GTF2F2: variants seen among roughly 807,000 people sequenced by gnomAD.
GTF2F2 encodes ATP-dependent helicase GTF2F2.
Under a neutral mutation model 42.2 loss-of-function variants are expected in GTF2F2, and 23 were observed. The ratio of observed to expected loss-of-function variants is 0.55; its 90% CI spans 0.39 to 0.77. GTF2F2 has a LOEUF of 0.77. Ranked by LOEUF, GTF2F2 falls within the 30% of genes least tolerant of loss-of-function variation. The pLI, the probability that GTF2F2 is intolerant of heterozygous loss-of-function variation, is 0.00. For missense variants in GTF2F2, 261 were observed against 287.2 expected (o/e 0.91, Z 0.66); for synonymous variants, 105 against 100.8 (o/e 1.04, Z -0.25).
Position 45,120,545 on chromosome 13 carries a change from G to A in GTF2F2, c.-111G>A, listed in dbSNP as rs1868565521. On this transcript the variant is annotated 5_prime_UTR_variant, in exon 1 of 8. Coordinates refer to ENST00000340473, the MANE Select transcript of GTF2F2 (RefSeq NM_004128.3). ...AGTGTTCTGGCAGGTAAGGAACGCC[G>A]GCTCTTCGCCTCTCAGCGCGGCTTG... The A allele has an allele frequency of 8.1e-6, 6 of 737,086 alleles. No individual in the cohort carries two copies. In the East Asian group the frequency reaches 1.7e-4, roughly 20 times the overall value. The allele number at this position is 737,086 out of a possible 1,614,324, so 45.7% of individuals were successfully genotyped here.
chr13:45,159,310 C>T (rs1870920317), intron 4 of GTF2F2, among the ~76,000 whole-genome samples: 1 of 152,256 alleles, frequency 6.6e-6, no homozygotes, highest in African/African-American at 2.4e-5. Flanking sequence ...CTTTTGAAAA[C>T]TTAACTGAAA....
intron 4 of GTF2F2, among the ~76,000 whole-genome samples, chr13:45,198,543 A>G (rs753768882): frequency 1.3e-5 from 2 of 152,184 alleles, no homozygotes; most frequent in Non-Finnish European, 2.9e-5. Flanking sequence ...CTCCCCTGCT[A>G]TCAAATCTTG....
intron 4 of GTF2F2, among the ~76,000 whole-genome samples, chr13:45,165,239 G>A (rs1026157071): frequency 4.8e-5 from 7 of 145,768 alleles, no homozygotes; most frequent in African/African-American, 1.8e-4. Flanking sequence ...TGGAAAAAAC[G>A]GAGAAATAGA....
intron 3 of GTF2F2, 76 bp from the exon 4 acceptor site, chr13:45,151,611 A>G (rs1870494372): frequency 5.5e-6 from 5 of 910,088 alleles, no homozygotes; most frequent in Non-Finnish European, 4.9e-6. Flanking sequence ...AAACAATTTG[A>G]TTTATAACAA....
At chr13:45,165,861 T>G (rs1165728704) in intron 4 of GTF2F2, among the ~76,000 whole-genome samples, 1 of 145,412 alleles carries the variant, frequency 6.9e-6, no homozygotes, top group East Asian at 2.0e-4. Context: ...TTACCCAGGC[T>G]GGAGTGCAGT....
At chr13:45,200,588 G>A (rs375913294) in intron 4 of GTF2F2, among the ~76,000 whole-genome samples, 9 of 152,268 alleles carry the variant, frequency 5.9e-5, no homozygotes, top group African/African-American at 1.4e-4. Context: ...GCCACCATGC[G>A]TGGCAAAATT....
At chr13:45,239,312 TTAAGA>T (rs1447948035) in intron 5 of GTF2F2, among the ~76,000 whole-genome samples, 2 of 151,968 alleles carry the variant, frequency 1.3e-5, no homozygotes, top group African/African-American at 4.9e-5. Flanking sequence ...TGATCATAAG[TTAAGA>T]TATTTATATT....
At chr13:45,255,874 G>A (rs933847983) in intron 6 of GTF2F2, among the ~76,000 whole-genome samples, 3 of 152,108 alleles carry the variant, frequency 2.0e-5, no homozygotes, top group African/African-American at 7.2e-5. Flanking sequence ...AGGCTGTAAA[G>A]AGTTGTTACC....
chr13:45,266,898 G>A (rs1876583583), intron 6 of GTF2F2, among the ~76,000 whole-genome samples: 1 of 152,026 alleles, frequency 6.6e-6, no homozygotes, highest in South Asian at 2.1e-4. Flanking sequence ...CTGTTATCCC[G>A]ACACTTTGGG....
intron 6 of GTF2F2, among the ~76,000 whole-genome samples, chr13:45,266,264 A>C (rs1735393498): frequency 6.6e-6 from 1 of 152,246 alleles, no homozygotes; most frequent in Non-Finnish European, 1.5e-5. Flanking sequence ...AGGTGAATTT[A>C]GAGGTCACAT....
At chr13:45,237,397 G>A (rs988309993) in intron 5 of GTF2F2, among the ~76,000 whole-genome samples, 5 of 152,096 alleles carry the variant, frequency 3.3e-5, no homozygotes, top group Admixed American at 6.5e-5. Flanking sequence ...AATCCAATAT[G>A]TAAACTAAAT....
At chr13:45,217,448 A>G (rs1381408396) in intron 5 of GTF2F2, among the ~76,000 whole-genome samples, 1 of 152,014 alleles carries the variant, frequency 6.6e-6, no homozygotes, top group African/African-American at 2.4e-5. Context: ...TACCTTTATT[A>G]CTTTTGTTTC....
At chr13:45,173,328 A>G (rs1252009273) in intron 4 of GTF2F2, among the ~76,000 whole-genome samples, 1 of 150,938 alleles carries the variant, frequency 6.6e-6, no homozygotes, top group East Asian at 1.9e-4. Flanking sequence ...GATATAGTCC[A>G]CTGGTCCCAT....
chr13:45,262,480 T>G (rs931254307), intron 6 of GTF2F2, among the ~76,000 whole-genome samples: 7 of 152,208 alleles, frequency 4.6e-5, no homozygotes, highest in African/African-American at 1.7e-4. Context: ...CAGGTTGGAG[T>G]GCATTGGTGC....
intron 3 of GTF2F2, among the ~76,000 whole-genome samples, chr13:45,151,076 A>G (rs1421146413): frequency 6.6e-6 from 1 of 152,166 alleles, no homozygotes; most frequent in Admixed American, 6.5e-5. Flanking sequence ...TCTGTCACCC[A>G]AATAGTGAAC....
intron 5 of GTF2F2, among the ~76,000 whole-genome samples, chr13:45,237,658 T>C (rs1339771266): frequency 6.6e-6 from 1 of 152,248 alleles, no homozygotes; most frequent in South Asian, 2.1e-4. Context: ...GGGATGGACC[T>C]GTAACTTAAA....
At chr13:45,263,639 T>C (rs967047971) in intron 6 of GTF2F2, 1 of 152,216 alleles carries the variant, frequency 6.6e-6, no homozygotes, top group Admixed American at 6.5e-5. Flanking sequence ...ATAAACTATA[T>C]AGTTAATTTT....
intron 5 of GTF2F2, among the ~76,000 whole-genome samples, chr13:45,221,578 T>C (rs2138205211): frequency 6.6e-6 from 1 of 151,780 alleles, no homozygotes; most frequent in South Asian, 2.1e-4. Flanking sequence ...GGTCCCAGTA[T>C]GACTGCACAG....
intron 2 of GTF2F2, among the ~76,000 whole-genome samples, chr13:45,139,032 A>AT (rs1346788946): frequency 1.3e-5 from 2 of 152,210 alleles, no homozygotes; most frequent in East Asian, 3.9e-4. Flanking sequence ...ACAGGAAGCA[A>AT]TGAGTCCATC....
Sources: gnomAD v4.1 joint callset for allele counts (sites outside exome capture counted in the v4.1 genomes callset) on GRCh38, gnomAD v4.1.1 for gene constraint, MANE v1.5 for transcripts, NCBI Gene and HGNC (gene_info 2026-07-23, HGNC 2026-07-21) for gene names.